Variants in COL15A1 observed in about 807,000 individuals in gnomAD.
COL15A1 encodes the protein collagen type XV alpha 1 chain, also known as collagen alpha-1(XV) chain.
A neutral mutation model predicts 165.9 loss-of-function variants in COL15A1; 111 were observed. The observed-to-expected ratio is 0.67, with a 90% confidence interval of 0.57 to 0.78. COL15A1 has a LOEUF of 0.78. Among genes scored for constraint, COL15A1 ranks in the 30% least tolerant of loss-of-function variants. The probability of loss-of-function intolerance (pLI) is 0.00; values close to 1 mark genes in which losing one functional copy is unlikely to be tolerated. For synonymous variants in COL15A1, 659 were observed against 674.8 expected (o/e 0.98, Z 0.36); for missense variants, 1,745 against 1,789.7 (o/e 0.98, Z 0.45).
At position 98,944,069 on chromosome 9, in the gene COL15A1, C is replaced by G; in HGVS notation, c.8C>G (p.Pro3Arg). The G allele has an allele frequency of 6.2e-7, 1 of 1,614,120 alleles. No individual in the cohort carries two copies. The highest frequency in any genetic ancestry group is 8.5e-7 in the Non-Finnish European group (1 of 1,179,958). ...GCTCCGCAGACCCGCGAGATGGCAC[C>G]AAGGTAAGACCCGCTTCTCTGCTTC... Reference protein sequence around the residue: MAPRRNNGQCWCL... With the variant: MARRRNNGQCWCL... The change falls in exon 1 of 42, where the codon CCA (proline) becomes CGA (arginine). Residue 3 changes from proline to arginine, a missense_variant. Coordinates refer to ENST00000375001, the MANE Select transcript of COL15A1 (RefSeq NM_001855.5).
intron 2 of COL15A1, among the ~76,000 whole-genome samples, chr9:98,979,003 TTG>T (rs1438805919): frequency 1.3e-5 from 2 of 152,136 alleles, no homozygotes; most frequent in African/African-American, 2.4e-5. Flanking sequence ...GCACCTTATT[TTG>T]TCTGTTTTTA....
Position 99,019,262 on chromosome 9 carries a change from C to T in COL15A1, c.1648-1127C>T, listed in dbSNP as rs148912199. Among the ~76,000 whole-genome samples the T allele has an allele frequency of 5.1e-3, 784 of 152,272 alleles. 5 individuals are homozygous for T. The highest frequency in any genetic ancestry group is 8.3e-3 in the Non-Finnish European group (564 of 68,012). ...AGACTAGAGTGCAGTGGCGTGATCT[C>T]GGCTTACTGCAACCTCCGCCTCTTA... On this transcript the variant is annotated intron_variant, in intron 11 of 41. Transcript: ENST00000375001.
intron 2 of COL15A1, among the ~76,000 whole-genome samples, chr9:98,982,845 G>T (rs536690166): frequency 6.6e-6 from 1 of 151,968 alleles, no homozygotes; most frequent in African/African-American, 2.4e-5. Context: ...TGTTGCCCAG[G>T]CTGGCCTTGA....
intron 2 of COL15A1, among the ~76,000 whole-genome samples, chr9:98,984,014 C>T (rs952322736): frequency 6.6e-6 from 1 of 152,238 alleles, no homozygotes; most frequent in Admixed American, 6.5e-5. Flanking sequence ...TCAGAAACCA[C>T]TTAGGTTCTC....
In COL15A1 at chr9:99,035,477, G is replaced by A. The variant is rs542369416; in HGVS notation, c.2289+59G>A. ...TGTCACACTGTCACACTACAGTGAG[G>A]AAGCTGTGGGCTGCATCCCGGCTCT... On this transcript the variant is annotated intron_variant, in intron 19 of 41. Coordinates refer to ENST00000375001, the MANE Select transcript of COL15A1 (RefSeq NM_001855.5). The A allele has an allele frequency of 1.1e-5, 17 of 1,599,042 alleles. No homozygotes were observed. The East Asian group carries it at 3.6e-4, about 34-fold the overall frequency.
intron 2 of COL15A1, among the ~76,000 whole-genome samples, chr9:98,985,100 G>A (rs1258323145): frequency 6.6e-6 from 1 of 151,894 alleles, no homozygotes; most frequent in South Asian, 2.1e-4. Flanking sequence ...CCCCTATTCA[G>A]TTTTATAGTG....
At chr9:99,039,217 C>G (rs7874925) in intron 22 of COL15A1, among the ~76,000 whole-genome samples, 2,256 of 152,266 alleles carry the variant, frequency 0.015, 56 homozygotes, top group African/African-American at 0.051. Flanking sequence ...ATAAGAAATA[C>G]ACATTATTTT....
At chr9:99,063,248 C>T (rs1825844413) in intron 39 of COL15A1, 139 bp downstream of exon 39, 1 of 1,094,728 alleles carries the variant, frequency 9.1e-7, no homozygotes. Context: ...CAGAGAATTA[C>T]AATACAGTGT....
chr9:99,056,127 C>A, intron 34 of COL15A1, 133 bp from the exon 35 acceptor site: 1 of 971,894 alleles, frequency 1.0e-6, no homozygotes, highest in Non-Finnish European at 1.6e-6. Flanking sequence ...TTGAATTGTG[C>A]CCAAGATTGA....
intron 2 of COL15A1, among the ~76,000 whole-genome samples, chr9:98,976,004 T>A (rs939969369): frequency 2.6e-5 from 4 of 151,848 alleles, no homozygotes; most frequent in Admixed American, 2.0e-4. Context: ...GTGTCTCGAG[T>A]AGAATTTTGC....
intron 9 of COL15A1, among the ~76,000 whole-genome samples, chr9:99,007,268 A>G (rs1838778474): frequency 6.6e-6 from 1 of 152,200 alleles, no homozygotes; most frequent in African/African-American, 2.4e-5. Flanking sequence ...ACAAATTGTG[A>G]GGGAGGTATG....
chr9:99,052,630 G>T (rs1006186951), intron 31 of COL15A1, among the ~76,000 whole-genome samples, 197 bp downstream of exon 31: 1 of 152,152 alleles, frequency 6.6e-6, no homozygotes, highest in Non-Finnish European at 1.5e-5. Flanking sequence ...TGCCTATTCT[G>T]CTCATCTTAG....
intron 15 of COL15A1, among the ~76,000 whole-genome samples, 175 bp from the exon 16 acceptor site, chr9:99,025,729 C>T (rs938373537): frequency 5.3e-5 from 8 of 152,222 alleles, no homozygotes; most frequent in African/African-American, 1.9e-4. Context: ...CACAGGTGCA[C>T]AGTCAGCAGT....
Position 99,016,899 on chromosome 9 carries a change from A to T in COL15A1, c.1647+780A>T, listed in dbSNP as rs1211918098. ...GGCCCATTGGCCACGGTGCGGCAGGACTGACCTGTGAGGGGAGGGGCTGTG... is the reference window on the plus strand; with the variant it reads ...GGCCCATTGGCCACGGTGCGGCAGGTCTGACCTGTGAGGGGAGGGGCTGTG... On this transcript the variant is annotated intron_variant, in intron 11 of 41. Coordinates refer to ENST00000375001, the MANE Select transcript of COL15A1 (RefSeq NM_001855.5). Among the ~76,000 whole-genome samples, 4 of 152,376 alleles carry T rather than the reference A, an allele frequency of 2.6e-5. No individual in the cohort carries two copies. The East Asian group carries it at 7.7e-4, about 29-fold the overall frequency.
rs1003465356 is a variant in COL15A1 at position 98,994,587 on chromosome 9, G to A, written c.805-2347G>A. The stretch of plus-strand genomic sequence containing the variant: ...TAGGTCTGGGGATCCTCCATCACCT[G>A]ACAGCTTGAGGACAGACACGCTGTC... On this transcript the variant is annotated intron_variant, in intron 5 of 41. Coordinates refer to ENST00000375001, the MANE Select transcript of COL15A1 (RefSeq NM_001855.5). 1.2e-4 allele frequency among the ~76,000 whole-genome samples: 19 copies of A among 152,282 alleles called. No homozygotes were observed. In the South Asian group the frequency reaches 2.7e-3, roughly 22 times the overall value.
intron 2 of COL15A1, among the ~76,000 whole-genome samples, chr9:98,982,129 T>G (rs1339354899): frequency 1.3e-5 from 2 of 151,788 alleles, no homozygotes; most frequent in Non-Finnish European, 2.9e-5. Flanking sequence ...AAATGATATA[T>G]ATAGAGAGAG....
Position 98,985,756 on chromosome 9 carries a change from A to G in COL15A1, c.292A>G (p.Lys98Glu). 1 of 1,614,106 alleles carries G rather than the reference A, an allele frequency of 6.2e-7. No homozygotes were observed. Among genetic ancestry groups the G allele is most frequent in the Non-Finnish European group, 8.5e-7 (1 of 1,180,020 alleles). Residue 98 changes from lysine (K) to glutamate (E), a missense_variant, in exon 3 of 42, where the codon AAG (lysine) becomes GAG (glutamate). By Grantham distance (56) the Lys-to-Glu change is moderately conservative. Coordinates refer to ENST00000375001, the MANE Select transcript of COL15A1 (RefSeq NM_001855.5). ...FRDFAISVVV[K>E]PSSTRGGVLF... The stretch of plus-strand genomic sequence containing the variant: ...GGACTTCGCCATCAGCGTCGTGGTG[A>G]AGCCCAGCAGCACCCGTGGTGGCGT...
intron 39 of COL15A1, among the ~76,000 whole-genome samples, chr9:99,066,607 T>G (rs553452127): frequency 2.4e-5 from 3 of 126,434 alleles, no homozygotes; most frequent in Non-Finnish European, 3.4e-5. Flanking sequence ...CTGTTTTTTT[T>G]TTTTTTTTTT....
intron 11 of COL15A1, among the ~76,000 whole-genome samples, 160 bp from the exon 12 acceptor site, chr9:99,020,229 A>G (rs1036606095): frequency 6.6e-6 from 1 of 152,202 alleles, no homozygotes; most frequent in Non-Finnish European, 1.5e-5. Context: ...TGCAGTGATC[A>G]GGCAGCCTCT....
Sources: allele counts gnomAD v4.1 joint callset (sites outside exome capture counted in the v4.1 genomes callset), GRCh38; gene constraint gnomAD v4.1.1; transcripts MANE v1.5; gene names NCBI Gene and HGNC (gene_info 2026-07-23, HGNC 2026-07-21).